BACH2: variants seen among roughly 807,000 people sequenced by gnomAD.
BACH2 encodes BACH transcriptional regulator 2, also known as transcription regulator protein BACH2.
BACH2 carries 5 observed loss-of-function variants against 61.8 expected under a neutral mutation model. The ratio of observed to expected loss-of-function variants is 0.08; its 90% CI spans 0.04 to 0.17. BACH2 has a LOEUF of 0.17. BACH2 is among the 10% of genes least tolerant of loss of function. The pLI, the probability that BACH2 is intolerant of heterozygous loss-of-function variation, is 1.00. For synonymous variants in BACH2, 446 were observed against 440.1 expected (o/e 1.01, Z -0.17); for missense variants, 824 against 1,091.1 (o/e 0.76, Z 3.45).
intron 5 of BACH2, among the ~76,000 whole-genome samples, chr6:90,015,497 A>T (rs1778011730): frequency 6.6e-6 from 1 of 152,158 alleles, no homozygotes; most frequent in South Asian, 2.1e-4. Context: ...AATGCTTTAA[A>T]ATTTCCCTTT....
chr6:89,981,245 T>C (rs1363490137), intron 6 of BACH2, among the ~76,000 whole-genome samples: 2 of 151,902 alleles, frequency 1.3e-5, no homozygotes, highest in East Asian at 3.9e-4. Flanking sequence ...CATTCTCCTG[T>C]CTCAGCCTCC....
At chr6:89,945,586 T>C (rs1387320472) in intron 7 of BACH2, among the ~76,000 whole-genome samples, 1 of 152,188 alleles carries the variant, frequency 6.6e-6, no homozygotes, top group Non-Finnish European at 1.5e-5. Flanking sequence ...AGGTACAGCA[T>C]TTCCTTTTAG....
At chr6:89,988,695 G>A (rs1392984837) in intron 6 of BACH2, among the ~76,000 whole-genome samples, 2 of 152,260 alleles carry the variant, frequency 1.3e-5, no homozygotes, top group African/African-American at 4.8e-5. Flanking sequence ...TGCAAGTACT[G>A]GCATTTACTC....
At chr6:90,029,378 G>A (rs1171107346) in intron 5 of BACH2, among the ~76,000 whole-genome samples, 1 of 152,062 alleles carries the variant, frequency 6.6e-6, no homozygotes, top group African/African-American at 2.4e-5. Context: ...AAATGTGATG[G>A]CTCAATCCCT....
chr6:90,067,373 G>A (rs1181993913), intron 5 of BACH2, among the ~76,000 whole-genome samples: 1 of 152,186 alleles, frequency 6.6e-6, no homozygotes, highest in Non-Finnish European at 1.5e-5. Flanking sequence ...GCCAGGAAGG[G>A]GAGCTGGGAT....
intron 6 of BACH2, among the ~76,000 whole-genome samples, chr6:89,973,793 T>C (rs983873162): frequency 2.0e-5 from 3 of 152,136 alleles, no homozygotes; most frequent in African/African-American, 7.2e-5. Context: ...TAGGTTCTTA[T>C]GTAAGTTAAA....
At chr6:90,021,819 T>G (rs1377542490) in intron 5 of BACH2, among the ~76,000 whole-genome samples, 1 of 152,230 alleles carries the variant, frequency 6.6e-6, no homozygotes, top group African/African-American at 2.4e-5. Context: ...TGTCACTTAA[T>G]GTCCCTAATG....
intron 1 of BACH2, among the ~76,000 whole-genome samples, chr6:90,295,799 C>A (rs1772340475): frequency 6.6e-6 from 1 of 152,168 alleles, no homozygotes; most frequent in African/African-American, 2.4e-5. Context: ...CCCGATCTTT[C>A]GCTAGGAGAG....
chr6:90,083,657 A>C (rs1781812751), intron 5 of BACH2, among the ~76,000 whole-genome samples: 1 of 152,196 alleles, frequency 6.6e-6, no homozygotes, highest in Non-Finnish European at 1.5e-5. Context: ...TAGAGTGCTT[A>C]ACATAAACAG....
chr6:90,159,923 G>GGTTTTTGGTAAGT (rs1207358789), intron 4 of BACH2, among the ~76,000 whole-genome samples: 2 of 152,136 alleles, frequency 1.3e-5, no homozygotes, highest in Non-Finnish European at 2.9e-5. Context: ...ATGGAACATT[G>GGTTTTTGGTAAGT]GTTTTTGGTA....
At chr6:90,134,273 C>T (rs1251280714) in intron 4 of BACH2, among the ~76,000 whole-genome samples, 1 of 152,214 alleles carries the variant, frequency 6.6e-6, no homozygotes, top group Non-Finnish European at 1.5e-5. Flanking sequence ...TTTTGATTTG[C>T]ATTAGAAATG....
At chr6:90,103,029 A>ATATATATCTTTTT in intron 4 of BACH2, among the ~76,000 whole-genome samples, 1 of 21,164 alleles carries the variant, frequency 4.7e-5, no homozygotes, top group African/African-American at 2.4e-4. Context: ...ATATATATAT[A>ATATATATCTTTTT]TTTTTTTTTT....
chr6:90,124,781 G>A (rs377411076), intron 4 of BACH2, among the ~76,000 whole-genome samples: 182 of 152,136 alleles, frequency 1.2e-3, no homozygotes, highest in African/African-American at 4.1e-3. Context: ...TTATTTTTGG[G>A]TAAATCCCTA....
In BACH2 at chr6:90,240,673, G is replaced by A. The variant is rs570301117; in HGVS notation, c.-275+11840C>T. Among the ~76,000 whole-genome samples, 41 of 152,136 alleles carry A rather than the reference G, an allele frequency of 2.7e-4. No homozygotes were observed. The South Asian group carries it at 7.9e-3, about 29-fold the overall frequency. On this transcript the variant is annotated intron_variant, in intron 3 of 8. Coordinates refer to ENST00000257749, the MANE Select transcript of BACH2 (RefSeq NM_021813.4). Reference sequence around the variant, plus strand: ...ATGGACTTTAAAAATGATGACCCACGTAAAATCAACATTTAATCCTCAACA... The same window carrying A: ...ATGGACTTTAAAAATGATGACCCACATAAAATCAACATTTAATCCTCAACA...
At chr6:90,013,754 C>G (rs548892141) in intron 5 of BACH2, among the ~76,000 whole-genome samples, 2 of 151,982 alleles carry the variant, frequency 1.3e-5, no homozygotes, top group Non-Finnish European at 2.9e-5. Context: ...GTGATCCCCC[C>G]GCCTTGGCCT....
chr6:90,144,830 T>C (rs1391708776), intron 4 of BACH2, among the ~76,000 whole-genome samples: 1 of 152,210 alleles, frequency 6.6e-6, no homozygotes, highest in African/African-American at 2.4e-5. Context: ...AACATGCTTA[T>C]GTTGAAAGAT....
chr6:90,123,486 G>A (rs1783715152), intron 4 of BACH2, among the ~76,000 whole-genome samples: 1 of 152,188 alleles, frequency 6.6e-6, no homozygotes, highest in African/African-American at 2.4e-5. Flanking sequence ...GAAGACCGGT[G>A]GGGGCCGGGC....
intron 6 of BACH2, among the ~76,000 whole-genome samples, chr6:89,990,722 C>T (rs1459106868): frequency 6.6e-6 from 1 of 152,008 alleles, no homozygotes; most frequent in Non-Finnish European, 1.5e-5. Flanking sequence ...AATTCCAACT[C>T]CTGTCCTCCC....
intron 5 of BACH2, among the ~76,000 whole-genome samples, chr6:90,014,082 C>G (rs938542090): frequency 6.6e-6 from 1 of 152,086 alleles, no homozygotes; most frequent in Non-Finnish European, 1.5e-5. Context: ...CTGTGCCCAG[C>G]CCTGTGTTTG....
Sources: allele counts gnomAD v4.1 joint callset (sites outside exome capture counted in the v4.1 genomes callset), GRCh38; gene constraint gnomAD v4.1.1; transcripts MANE v1.5; gene names NCBI Gene and HGNC (gene_info 2026-07-23, HGNC 2026-07-21).